Variants in GNG2 observed in about 807,000 individuals in gnomAD.
The protein encoded by GNG2 is G protein subunit gamma 2.
A neutral mutation model predicts 5.5 loss-of-function variants in GNG2; 5 were observed. That is an observed-to-expected ratio of 0.91 (90% CI 0.48 to 1.92). The LOEUF (loss-of-function observed/expected upper bound fraction) is 1.92, where lower values mean the gene tolerates loss of function less well. GNG2 is among the 30% of genes most tolerant of loss of function. The probability of loss-of-function intolerance (pLI) is 0.01; values close to 1 mark genes in which losing one functional copy is unlikely to be tolerated. For synonymous variants in GNG2, 28 were observed against 32.0 expected (o/e 0.88, Z 0.42); for missense variants, 55 against 88.4 (o/e 0.62, Z 1.52).
intron 2 of GNG2, among the ~76,000 whole-genome samples, chr14:51,878,816 A>G (rs1883851028): frequency 6.6e-6 from 1 of 152,204 alleles, no homozygotes; most frequent in Non-Finnish European, 1.5e-5. Flanking sequence ...AATGTCTTTC[A>G]GGTGAGGGCT....
intron 1 of GNG2, among the ~76,000 whole-genome samples, chr14:51,862,187 T>G (rs1274807195): frequency 1.3e-5 from 2 of 152,172 alleles, no homozygotes; most frequent in Non-Finnish European, 2.9e-5. Flanking sequence ...GAAGCTTTTA[T>G]AGCTACTAAA....
At chr14:51,922,585 CCT>C (rs1480094356) in intron 2 of GNG2, among the ~76,000 whole-genome samples, 2 of 152,142 alleles carry the variant, frequency 1.3e-5, no homozygotes, top group Non-Finnish European at 1.5e-5. Flanking sequence ...TAGAGTTCAA[CCT>C]CTCTGACAAT....
intron 2 of GNG2, among the ~76,000 whole-genome samples, chr14:51,900,244 T>G (rs1031114426): frequency 6.6e-6 from 1 of 152,166 alleles, no homozygotes; most frequent in Non-Finnish European, 1.5e-5. Flanking sequence ...TTTATTTGCA[T>G]TTCCCTAATG....
chr14:51,932,603 G>C (rs1192149431), intron 2 of GNG2, among the ~76,000 whole-genome samples: 1 of 152,048 alleles, frequency 6.6e-6, no homozygotes, highest in Non-Finnish European at 1.5e-5. Context: ...CAGCCTGGGG[G>C]ACAGAGGGAG....
At chr14:51,953,374 A>G (rs1889097588) in intron 3 of GNG2, among the ~76,000 whole-genome samples, 1 of 152,212 alleles carries the variant, frequency 6.6e-6, no homozygotes, top group Admixed American at 6.5e-5. Flanking sequence ...AAATTGAACA[A>G]GGCCTATTAT....
chr14:51,910,865 GA>G (rs1372090199), intron 2 of GNG2, among the ~76,000 whole-genome samples: 13 of 152,258 alleles, frequency 8.5e-5, no homozygotes, highest in African/African-American at 2.7e-4. Context: ...GCCCATGGCA[GA>G]ATGCCTCTAG....
chr14:51,917,965 G>A (rs2140217836), intron 2 of GNG2, among the ~76,000 whole-genome samples: 1 of 150,524 alleles, frequency 6.6e-6, no homozygotes, highest in African/African-American at 2.4e-5. Flanking sequence ...AGTGGAGGTT[G>A]CACTGCGCCG....
At chr14:51,923,507 GTATGTGTATATA>G (rs1391869344) in intron 2 of GNG2, among the ~76,000 whole-genome samples, 22 of 150,732 alleles carry the variant, frequency 1.5e-4, no homozygotes, top group Middle Eastern at 3.4e-3. Flanking sequence ...ATGTGTGTGT[GTATGTGTATATA>G]TATGTGTATA....
At chr14:51,829,892 G>A (rs1377564692) in intron 2 of GNG2, among the ~76,000 whole-genome samples, 10 of 149,100 alleles carry the variant, frequency 6.7e-5, no homozygotes, top group Non-Finnish European at 1.3e-4. Flanking sequence ...ACCCAGGTTG[G>A]AATGCAGTGG....
At chr14:51,828,240 A>T (rs1881083274) in intron 2 of GNG2, among the ~76,000 whole-genome samples, 1 of 152,190 alleles carries the variant, frequency 6.6e-6, no homozygotes. Flanking sequence ...AAGCCACCTC[A>T]AGGTGAACAG....
At chr14:51,888,469 C>A (rs947788925) in intron 2 of GNG2, among the ~76,000 whole-genome samples, 1 of 152,140 alleles carries the variant, frequency 6.6e-6, no homozygotes, top group African/African-American at 2.4e-5. Flanking sequence ...CAGGTGCACA[C>A]CACCACGCCT....
intron 2 of GNG2, among the ~76,000 whole-genome samples, chr14:51,853,519 A>T (rs988768531): frequency 6.6e-6 from 1 of 152,234 alleles, no homozygotes; most frequent in African/African-American, 2.4e-5. Context: ...ATCAACAAAG[A>T]CATAAAGAAA....
At chr14:51,849,350 A>G (rs1002130533) in intron 2 of GNG2, among the ~76,000 whole-genome samples, 3 of 152,242 alleles carry the variant, frequency 2.0e-5, no homozygotes, top group South Asian at 4.1e-4. Context: ...TTGAAAAATC[A>G]CACATTGTCA....
chr14:51,843,465 T>G (rs938684573), intron 2 of GNG2, among the ~76,000 whole-genome samples: 1 of 152,058 alleles, frequency 6.6e-6, no homozygotes, highest in African/African-American at 2.4e-5. Flanking sequence ...AAACACTTGA[T>G]GCATGTAGGG....
intron 2 of GNG2, among the ~76,000 whole-genome samples, chr14:51,832,975 C>T (rs941680290): frequency 1.6e-4 from 25 of 152,232 alleles, no homozygotes; most frequent in East Asian, 5.8e-4. Flanking sequence ...ACAAGGTCTT[C>T]GCAACAAGGA....
At chr14:51,872,170 A>G (rs539584892) in intron 1 of GNG2, among the ~76,000 whole-genome samples, 2 of 152,290 alleles carry the variant, frequency 1.3e-5, no homozygotes, top group African/African-American at 4.8e-5. Flanking sequence ...TAAGCCAGAG[A>G]GTTTTTGAGT....
At chr14:51,953,327 C>T (rs181384710) in intron 3 of GNG2, among the ~76,000 whole-genome samples, 67 of 152,266 alleles carry the variant, frequency 4.4e-4, no homozygotes, top group Middle Eastern at 3.4e-3. Flanking sequence ...ATGATTCTTG[C>T]TCTCAAAAAT....
intron 2 of GNG2, among the ~76,000 whole-genome samples, chr14:51,893,097 C>T (rs1884969004): frequency 6.6e-6 from 1 of 152,162 alleles, no homozygotes; most frequent in Non-Finnish European, 1.5e-5. Flanking sequence ...ACTAACCTGT[C>T]ATACATCCAT....
rs565647754 is a variant in GNG2 at position 51,929,796 on chromosome 14, T to C, written c.-29-20854T>C. Among the ~76,000 whole-genome samples the C allele has an allele frequency of 2.9e-4, 44 of 152,254 alleles. 1 individual carries two copies. Among genetic ancestry groups the C allele is most frequent in the African/African-American group, 1.0e-3 (42 of 41,534 alleles). On this transcript the variant is annotated intron_variant, in intron 2 of 3. Coordinates refer to ENST00000556766, the MANE Select transcript of GNG2 (RefSeq NM_053064.5). ...ACACAAGGACAATATGAGGCTGGCG[T>C]CGAGAGAAGAGGCTGGCAACAGTTG...
Sources: allele counts gnomAD v4.1 joint callset (sites outside exome capture counted in the v4.1 genomes callset), GRCh38; gene constraint gnomAD v4.1.1; transcripts MANE v1.5; gene names NCBI Gene and HGNC (gene_info 2026-07-23, HGNC 2026-07-21).